The following FHIT variants were observed in gnomAD, a reference collection of about 807,000 sequenced individuals.
FHIT encodes fragile histidine triad diadenosine triphosphatase.
FHIT carries 19 observed loss-of-function variants against 17.9 expected under a neutral mutation model. That is an observed-to-expected ratio of 1.06 (90% CI 0.74 to 1.56). The LOEUF (loss-of-function observed/expected upper bound fraction) is 1.56. FHIT is among the 40% of genes most tolerant of loss of function. The probability of loss-of-function intolerance (pLI) is 0.00; values close to 1 mark genes in which losing one functional copy is unlikely to be tolerated. For synonymous variants in FHIT, 81 were observed against 69.7 expected, an observed-to-expected ratio of 1.16 and a Z score of -0.81; for missense variants, 248 against 189.2, an observed-to-expected ratio of 1.31 and a Z score of -1.82.
intron 5 of FHIT, among the ~76,000 whole-genome samples, chr3:60,386,679 G>C (rs900824401): frequency 5.3e-5 from 8 of 152,094 alleles, no homozygotes; most frequent in Non-Finnish European, 1.0e-4. Flanking sequence ...TAGCACACAT[G>C]GGTCAAAATC....
At chr3:60,600,053 C>T (rs543558447) in intron 4 of FHIT, among the ~76,000 whole-genome samples, 2 of 152,174 alleles carry the variant, frequency 1.3e-5, no homozygotes, top group Admixed American at 1.3e-4. Context: ...TTTTGAGAAA[C>T]ACAACTTTAA....
chr3:59,886,805 C>T (rs17061336), intron 8 of FHIT, among the ~76,000 whole-genome samples: 2,406 of 152,242 alleles, frequency 0.016, 64 homozygotes, highest in African/African-American at 0.055. Context: ...AATTACTAGT[C>T]AATTATTTCC....
chr3:59,806,817 G>T (rs1700224454), intron 8 of FHIT, among the ~76,000 whole-genome samples: 1 of 152,050 alleles, frequency 6.6e-6, no homozygotes, highest in South Asian at 2.1e-4. Context: ...AATTATCACT[G>T]GAGAAACAAT....
In FHIT at chr3:60,232,267, G is replaced by A. The variant is rs1028135066; in HGVS notation, c.104-218115C>T. Reference sequence around the variant, plus strand: ...TGATGGAGGTGTTTTTGGACAGCCAGACTTTTCAGATTTACTCATCTTTAA... The same window carrying A: ...TGATGGAGGTGTTTTTGGACAGCCAAACTTTTCAGATTTACTCATCTTTAA... On this transcript the variant is annotated intron_variant, in intron 5 of 9. Coordinates refer to ENST00000492590, the MANE Select transcript of FHIT (RefSeq NM_002012.4). Among the ~76,000 whole-genome samples the A allele has an allele frequency of 5.3e-5, 8 of 152,124 alleles. No homozygotes were observed. The East Asian group carries it at 7.7e-4, about 15-fold the overall frequency.
chr3:60,486,756 A>G (rs1052632721), intron 5 of FHIT, among the ~76,000 whole-genome samples: 1 of 152,210 alleles, frequency 6.6e-6, no homozygotes, highest in Non-Finnish European at 1.5e-5. Context: ...TGCATATTTT[A>G]TCTTTCAACG....
At chr3:60,442,140 A>G (rs1042745062) in intron 5 of FHIT, among the ~76,000 whole-genome samples, 2 of 151,914 alleles carry the variant, frequency 1.3e-5, no homozygotes, top group Non-Finnish European at 2.9e-5. Context: ...GATTGCAGGC[A>G]TAAGCCACCA....
intron 4 of FHIT, among the ~76,000 whole-genome samples, chr3:60,616,020 T>C (rs990292754): frequency 6.6e-6 from 1 of 152,206 alleles, no homozygotes; most frequent in African/African-American, 2.4e-5. Flanking sequence ...TTATCGAAAC[T>C]CTGATCTGTC....
intron 5 of FHIT, among the ~76,000 whole-genome samples, chr3:60,363,143 G>A (rs1328650780): frequency 6.6e-6 from 1 of 152,102 alleles, no homozygotes; most frequent in Non-Finnish European, 1.5e-5. Context: ...AAAAAGAGGT[G>A]CAGAAAACAA....
At chr3:60,033,758 G>A (rs942429408) in intron 5 of FHIT, among the ~76,000 whole-genome samples, 1 of 152,154 alleles carries the variant, frequency 6.6e-6, no homozygotes, top group African/African-American at 2.4e-5. Context: ...CTTTTTCTGA[G>A]TATGTCTGAA....
At chr3:60,777,784 C>T (rs1419216420) in intron 4 of FHIT, among the ~76,000 whole-genome samples, 1 of 152,094 alleles carries the variant, frequency 6.6e-6, no homozygotes, top group Non-Finnish European at 1.5e-5. Context: ...AAATAAAACC[C>T]ATCTGATGAA....
chr3:60,322,215 G>A (rs1709464312), intron 5 of FHIT, among the ~76,000 whole-genome samples: 1 of 152,144 alleles, frequency 6.6e-6, no homozygotes, highest in Non-Finnish European at 1.5e-5. Flanking sequence ...TGTATTTCAG[G>A]AGATCCTGGA....
chr3:60,957,844 C>T (rs1709243607), intron 3 of FHIT, among the ~76,000 whole-genome samples: 1 of 152,258 alleles, frequency 6.6e-6, no homozygotes, highest in Admixed American at 6.5e-5. Flanking sequence ...CTATTTATCT[C>T]TTCCACATAG....
intron 2 of FHIT, among the ~76,000 whole-genome samples, chr3:61,126,911 G>A (rs917863766): frequency 6.6e-6 from 1 of 152,092 alleles, no homozygotes; most frequent in East Asian, 1.9e-4. Context: ...AGGGCTGAGG[G>A]AAATGAAGGG....
In FHIT at chr3:59,870,856, CGT is replaced by C. The variant is rs112477825; in HGVS notation, c.348+51488_348+51489del. Among the ~76,000 whole-genome samples the C allele has an allele frequency of 4.1e-4, 48 of 116,208 alleles. No homozygotes were observed. The South Asian group carries it at 5.6e-3, about 14-fold the overall frequency. The allele number at this position is 116,208 out of a possible 152,430, so 76.2% of individuals were successfully genotyped here. A position where few individuals can be genotyped will look rare whatever the true frequency, so the allele number is the denominator to read the frequency against. ...TTCTCAAATCATCCATAGTAAAGGG[CGT>C]GTGTGTGTGTGTGTGCGTGTGTGTG... is the stretch of plus-strand genomic sequence containing the variant. On this transcript the variant is annotated intron_variant, in intron 8 of 9. Transcript: ENST00000492590.
intron 6 of FHIT, among the ~76,000 whole-genome samples, 183 bp from the exon 7 acceptor site, chr3:60,011,583 A>C (rs1290821519): frequency 6.7e-6 from 1 of 149,122 alleles, no homozygotes; most frequent in East Asian, 2.0e-4. Context: ...GCCTGAGAGT[A>C]AGTGCGAAGT....
intron 2 of FHIT, among the ~76,000 whole-genome samples, chr3:61,069,981 G>A (rs564665236): frequency 1.3e-5 from 2 of 152,036 alleles, no homozygotes; most frequent in African/African-American, 4.8e-5. Context: ...GTGCGATCTC[G>A]GCTCACTGCA....
chr3:59,807,117 T>C (rs1232345136), intron 8 of FHIT, among the ~76,000 whole-genome samples: 5 of 152,138 alleles, frequency 3.3e-5, no homozygotes, highest in African/African-American at 4.8e-5. Context: ...GATTTCTCTA[T>C]GAGAGCAAAA....
chr3:59,979,687 G>C (rs1708567302), intron 7 of FHIT, among the ~76,000 whole-genome samples: 1 of 152,094 alleles, frequency 6.6e-6, no homozygotes, highest in Non-Finnish European at 1.5e-5. Flanking sequence ...ACTAAGATAT[G>C]GTGGGGCTGT....
chr3:60,945,820 G>A (rs1202310985), intron 3 of FHIT, among the ~76,000 whole-genome samples: 1 of 152,170 alleles, frequency 6.6e-6, no homozygotes, highest in Non-Finnish European at 1.5e-5. Flanking sequence ...CTGATTGAGA[G>A]AGCTGGGGAT....
Sources: gnomAD v4.1 joint callset for allele counts (sites outside exome capture counted in the v4.1 genomes callset) on GRCh38, gnomAD v4.1.1 for gene constraint, MANE v1.5 for transcripts, NCBI Gene and HGNC (gene_info 2026-07-23, HGNC 2026-07-21) for gene names.